CSMD3: variants seen among roughly 807,000 people sequenced by gnomAD.
The protein encoded by CSMD3 is CUB and Sushi multiple domains 3, also known as CUB and sushi domain-containing protein 3.
CSMD3 carries 177 observed loss-of-function variants against 435.2 expected under a neutral mutation model. The ratio of observed to expected loss-of-function variants is 0.41; its 90% CI spans 0.36 to 0.46. The LOEUF is 0.46. Among genes scored for constraint, CSMD3 ranks in the 20% least tolerant of loss-of-function variants. CSMD3 has a pLI of 0.34. For missense variants in CSMD3, 4,265 were observed against 4,504.6 expected (o/e 0.95, Z 1.52); for synonymous variants, 1,656 against 1,520.5 (o/e 1.09, Z -2.07).
chr8:113,056,840 A>G (rs2088364814), intron 5 of CSMD3, among the ~76,000 whole-genome samples: 1 of 152,152 alleles, frequency 6.6e-6, no homozygotes, highest in Non-Finnish European at 1.5e-5. Flanking sequence ...TGTCACTGCT[A>G]TGCTTAACTT....
chr8:113,020,666 A>T (rs906529505), intron 5 of CSMD3, among the ~76,000 whole-genome samples: 2 of 152,224 alleles, frequency 1.3e-5, no homozygotes, highest in Non-Finnish European at 2.9e-5. Flanking sequence ...AATAACAAGT[A>T]TATATTTCCT....
At chr8:113,397,276 C>A (rs1214542026) in intron 1 of CSMD3, among the ~76,000 whole-genome samples, 1 of 152,006 alleles carries the variant, frequency 6.6e-6, no homozygotes, top group African/African-American at 2.4e-5. Flanking sequence ...AATGGAGCAA[C>A]TTTTCATGTG....
At chr8:112,239,912 C>T (rs1813962143) in intron 66 of CSMD3, among the ~76,000 whole-genome samples, 1 of 152,024 alleles carries the variant, frequency 6.6e-6, no homozygotes, top group African/African-American at 2.4e-5. Flanking sequence ...CCCTGCTACT[C>T]TGTTACAGTC....
intron 22 of CSMD3, among the ~76,000 whole-genome samples, chr8:112,604,470 A>G (rs1051101289): frequency 9.9e-5 from 15 of 152,176 alleles, no homozygotes; most frequent in African/African-American, 2.9e-4. Flanking sequence ...GAACCCAGAA[A>G]TGAAACCATA....
chr8:113,385,858 G>C (rs1321339399), intron 1 of CSMD3, among the ~76,000 whole-genome samples: 2 of 151,942 alleles, frequency 1.3e-5, no homozygotes, highest in Non-Finnish European at 2.9e-5. Flanking sequence ...TCACATTGTG[G>C]TTTTAATTTG....
At chr8:113,227,808 G>A (rs192320925) in intron 3 of CSMD3, among the ~76,000 whole-genome samples, 17 of 151,590 alleles carry the variant, frequency 1.1e-4, no homozygotes, top group African/African-American at 3.9e-4. Flanking sequence ...TTACCCCATC[G>A]CAGGTTCTTT....
At chr8:112,434,823 CTT>C (rs1393353224) in intron 32 of CSMD3, among the ~76,000 whole-genome samples, 3 of 152,094 alleles carry the variant, frequency 2.0e-5, no homozygotes, top group Non-Finnish European at 4.4e-5. Context: ...ACACACAAAA[CTT>C]GTATCCATTC....
chr8:112,895,661 A>T (rs1172307035), intron 10 of CSMD3, among the ~76,000 whole-genome samples: 3 of 151,468 alleles, frequency 2.0e-5, no homozygotes, highest in African/African-American at 4.8e-5. Flanking sequence ...AACAGAAAAG[A>T]TTTTTCCCGA....
chr8:113,060,809 A>G (rs1182143208), intron 5 of CSMD3, among the ~76,000 whole-genome samples: 5 of 152,186 alleles, frequency 3.3e-5, no homozygotes, highest in Non-Finnish European at 7.4e-5. Flanking sequence ...GGAGAAAAGC[A>G]TAACTCTCTA....
At chr8:112,706,218 C>T (rs974995838) in intron 13 of CSMD3, among the ~76,000 whole-genome samples, 3 of 151,900 alleles carry the variant, frequency 2.0e-5, no homozygotes, top group African/African-American at 7.3e-5. Context: ...ATTCATTCAT[C>T]TATTCATTCA....
At chr8:113,204,976 G>A (rs553319297) in intron 3 of CSMD3, among the ~76,000 whole-genome samples, 1 of 148,434 alleles carries the variant, frequency 6.7e-6, no homozygotes, top group African/African-American at 2.5e-5. Flanking sequence ...GAGAGCTTGT[G>A]CAGGGGAACT....
intron 35 of CSMD3, among the ~76,000 whole-genome samples, chr8:112,404,372 T>C (rs1200283247): frequency 1.3e-5 from 2 of 151,816 alleles, no homozygotes; most frequent in African/African-American, 2.4e-5. Context: ...TACTAAAAGA[T>C]AGAAAAAATT....
intron 5 of CSMD3, among the ~76,000 whole-genome samples, chr8:113,043,974 G>T (rs1429341199): frequency 6.6e-6 from 1 of 151,966 alleles, no homozygotes; most frequent in Non-Finnish European, 1.5e-5. Context: ...AAGATAAGTA[G>T]AATCCTATAA....
At chr8:113,102,122 C>A (rs1463295755) in intron 4 of CSMD3, among the ~76,000 whole-genome samples, 1 of 152,042 alleles carries the variant, frequency 6.6e-6, no homozygotes, top group African/African-American at 2.4e-5. Flanking sequence ...TGGTACATAT[C>A]CTGTAAATGA....
chr8:112,695,716 T>A (rs1586991177), intron 13 of CSMD3, among the ~76,000 whole-genome samples: 1 of 152,196 alleles, frequency 6.6e-6, no homozygotes, highest in East Asian at 1.9e-4. Context: ...AACATAGTGT[T>A]GGAAGTTCTG....
Position 112,682,509 on chromosome 8 carries a change from T to C in CSMD3, c.2610A>G (p.Thr870=), listed in dbSNP as rs916382777. 7 of 1,613,730 alleles carry C rather than the reference T, an allele frequency of 4.3e-6. No individual in the cohort carries two copies. The highest frequency in any genetic ancestry group is 5.1e-6 in the Non-Finnish European group (6 of 1,179,854). ...CCATAAGAATACATGTAATTGTTTCTGTTCCCTGGGTTTTAATAAATCCTT... is the reference window on the plus strand; with the variant it reads ...CCATAAGAATACATGTAATTGTTTCCGTTCCCTGGGTTTTAATAAATCCTT... ...CEEGFIKTQG[T]ETITCILMDG... The change falls in exon 16 of 71, where the codon ACA becomes ACG. Residue 870 remains threonine, a synonymous_variant. Coordinates refer to ENST00000297405, the MANE Select transcript of CSMD3 (RefSeq NM_198123.2).
At chr8:112,748,497 C>G (rs2077492775) in intron 13 of CSMD3, among the ~76,000 whole-genome samples, 1 of 151,970 alleles carries the variant, frequency 6.6e-6, no homozygotes, top group Non-Finnish European at 1.5e-5. Context: ...CTCCTCCCAC[C>G]CTCCCGCATC....
chr8:112,879,241 C>T (rs978201157), intron 10 of CSMD3, among the ~76,000 whole-genome samples: 1 of 152,096 alleles, frequency 6.6e-6, no homozygotes, highest in African/African-American at 2.4e-5. Context: ...TCTAAAATGG[C>T]CGCTCTAGGA....
At chr8:113,079,699 A>T (rs2089479915) in intron 5 of CSMD3, among the ~76,000 whole-genome samples, 1 of 152,160 alleles carries the variant, frequency 6.6e-6, no homozygotes, top group African/African-American at 2.4e-5. Context: ...TAAATCTTTG[A>T]CTGTTGAAGT....
Sources: allele counts gnomAD v4.1 joint callset (sites outside exome capture counted in the v4.1 genomes callset), GRCh38; gene constraint gnomAD v4.1.1; transcripts MANE v1.5; gene names NCBI Gene and HGNC (gene_info 2026-07-23, HGNC 2026-07-21).